The following NAT10 variants were observed in gnomAD, a reference collection of about 807,000 sequenced individuals.
NAT10 encodes RNA cytidine acetyltransferase.
A neutral mutation model predicts 132.2 loss-of-function variants in NAT10; 109 were observed. That is an observed-to-expected ratio of 0.82 (90% CI 0.71 to 0.97). The LOEUF (loss-of-function observed/expected upper bound fraction) is 0.97, where lower values mean the gene tolerates loss of function less well. Among genes scored for constraint, NAT10 ranks in the 50% least tolerant of loss-of-function variants. The pLI is 0.00. For synonymous variants in NAT10, 479 were observed against 478.0 expected, an observed-to-expected ratio of 1.00 and a Z score of -0.03; for missense variants, 1,184 against 1,263.4, an observed-to-expected ratio of 0.94 and a Z score of 0.95.
intron 15 of NAT10, among the ~76,000 whole-genome samples, 161 bp downstream of exon 15, chr11:34,132,382 A>G (rs1311848572): frequency 6.6e-6 from 1 of 152,200 alleles, no homozygotes; most frequent in Non-Finnish European, 1.5e-5. Flanking sequence ...GGTATAGAGC[A>G]TGTAGCTCCA....
intron 3 of NAT10, among the ~76,000 whole-genome samples, chr11:34,111,785 C>A (rs1851699253): frequency 6.6e-6 from 1 of 152,314 alleles, no homozygotes; most frequent in Non-Finnish European, 1.5e-5. Context: ...CCCTATTACC[C>A]ATCTTTTAAA....
At chr11:34,107,167 C>A (rs976609054) in intron 1 of NAT10, 2 of 151,904 alleles carry the variant, frequency 1.3e-5, no homozygotes, top group African/African-American at 4.8e-5. Context: ...TCCTGCAGCT[C>A]CACTACCACT....
intron 16 of NAT10, among the ~76,000 whole-genome samples, chr11:34,133,426 C>T (rs534560125): frequency 1.3e-5 from 2 of 152,300 alleles, no homozygotes; most frequent in African/African-American, 2.4e-5. Flanking sequence ...TGTTTTCTCC[C>T]TTTATTACAA....
intron 12 of NAT10, among the ~76,000 whole-genome samples, chr11:34,129,636 C>G (rs1425296535): frequency 9.6e-6 from 1 of 104,008 alleles, no homozygotes; most frequent in Non-Finnish European, 1.7e-5. Context: ...GAGACAGACT[C>G]TGACTCTGTC....
intron 15 of NAT10, 22 bp downstream of exon 15, chr11:34,132,243 G>T: frequency 6.4e-7 from 1 of 1,573,868 alleles, no homozygotes; most frequent in South Asian, 1.1e-5. Context: ...TAGCCCTTGT[G>T]TGAATGGTAG....
intron 15 of NAT10, among the ~76,000 whole-genome samples, chr11:34,132,551 T>C (rs868261888): frequency 2.0e-5 from 3 of 152,238 alleles, no homozygotes; most frequent in African/African-American, 7.2e-5. Context: ...GCTACTTTTA[T>C]GGAACAGTGA....
chr11:34,130,731 G>A (rs202245081), intron 12 of NAT10, 82 bp from the exon 13 acceptor site: 668 of 1,523,968 alleles, frequency 4.4e-4, no homozygotes, highest in Non-Finnish European at 5.8e-4. Context: ...TGTTTCAGCA[G>A]GTGGAGGAAA....
chr11:34,139,884 A>C (rs1235855009), intron 23 of NAT10, among the ~76,000 whole-genome samples: 2 of 152,232 alleles, frequency 1.3e-5, no homozygotes, highest in East Asian at 1.9e-4. Flanking sequence ...TGCTTTGTGC[A>C]TACAGATTGT....
intron 16 of NAT10, among the ~76,000 whole-genome samples, chr11:34,134,074 A>G (rs1407837012): frequency 6.6e-6 from 1 of 152,022 alleles, no homozygotes; most frequent in African/African-American, 2.4e-5. Flanking sequence ...TGAGGCAGGA[A>G]AATGGCATGA....
intron 15 of NAT10, 45 bp from the exon 16 acceptor site, chr11:34,132,981 C>A: frequency 6.7e-7 from 1 of 1,496,740 alleles, no homozygotes; most frequent in Non-Finnish European, 9.3e-7. Flanking sequence ...GCGTAAAGGG[C>A]AAGAGGAAGA....
In NAT10 at chr11:34,113,771, G is replaced by T; in HGVS notation, c.428G>T (p.Gly143Val). ...LLARTVETVE[G>V]GGLVVILLRT... ...GCCAGGACTGTAGAAACAGTGGAAG[G>T]TGGTGGGCTAGTGGTCATCCTCCTA... The change falls in exon 5 of 29, where the codon GGT (glycine) becomes GTT (valine). Residue 143 changes from glycine to valine, a missense_variant. By Grantham distance (109) the Gly-to-Val change is moderately radical. Transcript: ENST00000257829. 1 of 1,614,158 alleles carries T rather than the reference G, an allele frequency of 6.2e-7. No individual in the cohort carries two copies. The highest frequency in any genetic ancestry group is 8.5e-7 in the Non-Finnish European group (1 of 1,180,010).
chr11:34,142,913 G>A lies in NAT10; in HGVS notation c.2886-532G>A, dbSNP rs532537753. 2.0e-5 allele frequency among the ~76,000 whole-genome samples: 3 copies of A among 152,284 alleles called. No homozygotes were observed. The South Asian group carries it at 6.2e-4, about 32-fold the overall frequency. On this transcript the variant is annotated intron_variant, in intron 27 of 28. Coordinates refer to ENST00000257829, the MANE Select transcript of NAT10 (RefSeq NM_024662.3). ...GGGTCATTAGTGATGGTGGCTGCTGGGTATGTGAGGTGGAGGTGGCCAGGA... is the reference window on the plus strand; with the variant it reads ...GGGTCATTAGTGATGGTGGCTGCTGAGTATGTGAGGTGGAGGTGGCCAGGA...
At chr11:34,141,678 G>C (rs781490558) in intron 25 of NAT10, 41 bp from the exon 26 acceptor site, 6 of 1,589,616 alleles carry the variant, frequency 3.8e-6, no homozygotes, top group South Asian at 1.1e-5. Context: ...GGTCCCTGCT[G>C]CTCCTTCATC....
In NAT10 at chr11:34,123,768, C is replaced by T. The variant is rs759586688; in HGVS notation, c.921C>T (p.Ser307=). ...AIAGAVAFGY[S]NIFVTSPSPD... is the part of the protein sequence containing the mutation. ...CTTTTATTTTGTTCTGTAGGTACTC[C>T]AATATCTTTGTTACCTCCCCAAGCC... Residue 307 remains serine, a synonymous_variant, in exon 10 of 29, where the codon TCC becomes TCT. Coordinates refer to ENST00000257829, the MANE Select transcript of NAT10 (RefSeq NM_024662.3). 16 of 1,593,908 alleles carry T rather than the reference C, an allele frequency of 1.0e-5. No homozygotes were observed. The highest frequency in any genetic ancestry group is 1.3e-5 in the African/African-American group (1 of 74,538).
intron 15 of NAT10, among the ~76,000 whole-genome samples, chr11:34,132,491 G>A (rs1306440564): frequency 7.1e-6 from 1 of 141,038 alleles, no homozygotes; most frequent in Non-Finnish European, 1.7e-5. Flanking sequence ...TGACATTGCA[G>A]TTGTGGCCCG....
At chr11:34,123,446 C>T (rs1297550119) in intron 9 of NAT10, among the ~76,000 whole-genome samples, 2 of 152,254 alleles carry the variant, frequency 1.3e-5, no homozygotes, top group Admixed American at 6.5e-5. Flanking sequence ...CATTTGAAAG[C>T]GTCAGCACAG....
chr11:34,134,663 A>G, intron 18 of NAT10, 77 bp downstream of exon 18: 15 of 1,363,082 alleles, frequency 1.1e-5, no homozygotes, highest in Non-Finnish European at 1.3e-5. Flanking sequence ...GGCTGGAATA[A>G]GAAGCTGGTC....
intron 17 of NAT10, 36 bp downstream of exon 17, chr11:34,134,456 G>A (rs1231223161): frequency 1.2e-6 from 2 of 1,613,594 alleles, no homozygotes; most frequent in Admixed American, 1.7e-5. Flanking sequence ...GAGGGAAGCT[G>A]GTGGTGTCCA....
At chr11:34,110,194 G>T (rs147173979) in intron 3 of NAT10, among the ~76,000 whole-genome samples, 326 of 152,152 alleles carry the variant, frequency 2.1e-3, no homozygotes, top group African/African-American at 7.5e-3. Context: ...AACCTAGCTG[G>T]CTTGTGCGAT....
Sources: allele counts gnomAD v4.1 joint callset (sites outside exome capture counted in the v4.1 genomes callset), GRCh38; gene constraint gnomAD v4.1.1; transcripts MANE v1.5; gene names NCBI Gene and HGNC (gene_info 2026-07-23, HGNC 2026-07-21).